CUBN: variants seen among roughly 807,000 people sequenced by gnomAD.
The protein encoded by CUBN is 460 kDa receptor.
Under a neutral mutation model 405.3 loss-of-function variants are expected in CUBN, and 282 were observed. That is an observed-to-expected ratio of 0.70 (90% CI 0.63 to 0.77). The LOEUF is 0.77. CUBN is among the 30% of genes least tolerant of loss of function. The pLI is 0.00. For missense variants in CUBN, 4,514 were observed against 4,475.2 expected (o/e 1.01, Z -0.25); for synonymous variants, 1,684 against 1,617.0 (o/e 1.04, Z -0.99).
chr10:17,063,497 TTCTC>T (rs1835546313), intron 22 of CUBN, among the ~76,000 whole-genome samples: 1 of 152,232 alleles, frequency 6.6e-6, no homozygotes, highest in African/African-American at 2.4e-5. Context: ...TTGCTTTTTC[TTCTC>T]TCTTTCTTTA....
At chr10:16,961,703 C>CTTT (rs1843221854) in intron 31 of CUBN, among the ~76,000 whole-genome samples, 1 of 128,158 alleles carries the variant, frequency 7.8e-6, no homozygotes, top group East Asian at 2.2e-4. Flanking sequence ...AAAAGCAATC[C>CTTT]CTTTTTTTTT....
At chr10:16,839,237 C>A (rs573373361) in intron 62 of CUBN, among the ~76,000 whole-genome samples, 24 of 152,206 alleles carry the variant, frequency 1.6e-4, no homozygotes, top group African/African-American at 5.8e-4. Flanking sequence ...TTAATGCATT[C>A]TTAGGCACAT....
intron 58 of CUBN, among the ~76,000 whole-genome samples, chr10:16,872,681 C>T (rs1840395544): frequency 2.6e-5 from 4 of 152,156 alleles, no homozygotes; most frequent in African/African-American, 9.7e-5. Context: ...ATAAGCCACC[C>T]AGTTTATGAT....
In CUBN at chr10:16,951,265, G is replaced by A. The variant is rs568538340; in HGVS notation, c.4969+1011C>T. 1.0e-3 allele frequency among the ~76,000 whole-genome samples: 154 copies of A among 152,298 alleles called. 4 individuals are homozygous for A. In the South Asian group the frequency reaches 0.032, roughly 31 times the overall value. On this transcript the variant is annotated intron_variant, in intron 33 of 66. Coordinates refer to ENST00000377833, the MANE Select transcript of CUBN (RefSeq NM_001081.4). ...CCACCTCCCCGTTTGAATTGGCTAA[G>A]GATGACATCATCGGCTGCCACATCT...
In CUBN at chr10:17,045,133, C is replaced by T. The variant is rs369417721; in HGVS notation, c.3546G>A (p.Pro1182=). The T allele has an allele frequency of 3.0e-5, 48 of 1,613,790 alleles. 1 individual carries two copies. Among genetic ancestry groups the T allele is most frequent in the African/African-American group, 8.0e-5 (6 of 74,816 alleles). ...ATTCAGAGCTGTGGTAATAGGGCAT[C>T]GGGTAGTTGGGAGATATGAACGTGC... ...SSGTFISPNY[P]MPYYHSSECY... Residue 1182 remains proline (P), a synonymous_variant, in exon 25 of 67, where the codon CCG becomes CCA. Transcript: ENST00000377833.
At chr10:17,029,465 C>A (rs1217420266) in intron 27 of CUBN, among the ~76,000 whole-genome samples, 2 of 152,238 alleles carry the variant, frequency 1.3e-5, no homozygotes, top group African/African-American at 4.8e-5. Context: ...GCTTCGCTAA[C>A]TAATGGATAT....
In CUBN at chr10:16,899,073, T is replaced by C. The variant is rs750965233; in HGVS notation, c.8521A>G (p.Lys2841Glu). The C allele has an allele frequency of 6.2e-7, 1 of 1,613,720 alleles. No individual in the cohort carries two copies. Among genetic ancestry groups the C allele is most frequent in the Admixed American group, 1.7e-5 (1 of 60,014 alleles). Residue 2841 changes from lysine to glutamate, a missense_variant, in exon 54 of 67, where the codon AAA (lysine) becomes GAA (glutamate). Physicochemically the swap from Lys to Glu is moderately conservative, Grantham distance 56. Around this residue, in one of 5 missense-constraint regions of CUBN, gnomAD observed 1,186 missense variants for 1,186.9 expected, o/e 1.00. Transcript: ENST00000377833. Reference protein sequence around the residue: ...CSWTAITHKSKHLEISFDNNF... With the variant: ...CSWTAITHKSEHLEISFDNNF... Reference sequence around the variant, plus strand: ...TTGTCAAAGCTGATCTCCAAGTGTTTACTTTTGTGAGTAATGGCCGTCCAG... The same window carrying C: ...TTGTCAAAGCTGATCTCCAAGTGTTCACTTTTGTGAGTAATGGCCGTCCAG...
rs1835167731 is a variant in CUBN, at chr10:17,047,591, T to G, written c.3152A>C (p.Asp1051Ala). 1 of 1,613,948 alleles carries G rather than the reference T, an allele frequency of 6.2e-7. No homozygotes were observed. Among genetic ancestry groups the G allele is most frequent in the Non-Finnish European group, 8.5e-7 (1 of 1,179,870 alleles). ...GAATGTCCCCAAATCATCTGTGTAGTCTTGCAAACATGCTGTGAACAGAAA... is the reference window on the plus strand; with the variant it reads ...GAATGTCCCCAAATCATCTGTGTAGGCTTGCAAACATGCTGTGAACAGAAA... ...AISAATACLQDYTDDLGTFTS... is the reference protein window; with the variant it reads ...AISAATACLQAYTDDLGTFTS... Residue 1051 changes from aspartate to alanine, a missense_variant, in exon 23 of 67, where the codon GAC (aspartate) becomes GCC (alanine). This residue lies in a region of CUBN where 1,448 missense variants were observed against 1,388.0 expected (regional missense o/e 1.04). Coordinates refer to ENST00000377833, the MANE Select transcript of CUBN (RefSeq NM_001081.4).
chr10:17,046,281 A>C (rs555176566), intron 23 of CUBN, among the ~76,000 whole-genome samples, 187 bp from the exon 24 acceptor site: 1 of 152,210 alleles, frequency 6.6e-6, no homozygotes, highest in Admixed American at 6.5e-5. Flanking sequence ...TCATATTTGA[A>C]TGACTTAACA....
intron 17 of CUBN, among the ~76,000 whole-genome samples, chr10:17,076,800 A>C (rs1031858281): frequency 8.5e-5 from 13 of 152,308 alleles, no homozygotes; most frequent in African/African-American, 3.1e-4. Flanking sequence ...CCTGGGTCTC[A>C]GGACGGTGAA....
intron 27 of CUBN, among the ~76,000 whole-genome samples, chr10:17,036,404 G>A (rs1363015903): frequency 1.3e-5 from 2 of 152,196 alleles, no homozygotes; most frequent in Non-Finnish European, 2.9e-5. Context: ...CTTAGGAAGT[G>A]GGAGTGGAGA....
intron 44 of CUBN, among the ~76,000 whole-genome samples, chr10:16,919,216 C>A (rs1483019209): frequency 2.6e-5 from 4 of 152,204 alleles, no homozygotes; most frequent in African/African-American, 9.7e-5. Context: ...AGCGTCCCAA[C>A]TGGAATTTTC....
At chr10:16,854,239 T>G (rs957567024) in intron 59 of CUBN, among the ~76,000 whole-genome samples, 3 of 152,180 alleles carry the variant, frequency 2.0e-5, no homozygotes, top group Non-Finnish European at 4.4e-5. Context: ...AGAATTTACA[T>G]TATATGCATG....
intron 59 of CUBN, among the ~76,000 whole-genome samples, chr10:16,859,836 T>C (rs1209432489): frequency 6.6e-6 from 1 of 152,036 alleles, no homozygotes; most frequent in Non-Finnish European, 1.5e-5. Flanking sequence ...TATAAAACAA[T>C]AAAAATGTTT....
At chr10:17,026,931 C>T (rs1011421147) in intron 27 of CUBN, among the ~76,000 whole-genome samples, 2 of 152,160 alleles carry the variant, frequency 1.3e-5, no homozygotes, top group South Asian at 2.1e-4. Context: ...TATGAAATAT[C>T]ATCTAAAAGT....
chr10:17,031,610 C>G (rs985734595), intron 27 of CUBN, among the ~76,000 whole-genome samples: 1 of 152,170 alleles, frequency 6.6e-6, no homozygotes. Flanking sequence ...CTCTTGCGAA[C>G]GAGTGCTAGA....
At chr10:16,832,887 T>C (rs1022487037) in intron 64 of CUBN, among the ~76,000 whole-genome samples, 1 of 152,204 alleles carries the variant, frequency 6.6e-6, no homozygotes, top group African/African-American at 2.4e-5. Context: ...GGCTTCCTGG[T>C]ACAGCTGCCA....
chr10:16,911,797 A>G (rs910871466), intron 48 of CUBN, among the ~76,000 whole-genome samples: 2 of 152,218 alleles, frequency 1.3e-5, no homozygotes, highest in African/African-American at 4.8e-5. Context: ...AATTAAAAAT[A>G]TCTTTATATT....
chr10:17,068,302 T>G (rs919947600), intron 20 of CUBN, 22 bp from the exon 21 acceptor site: 3 of 1,608,844 alleles, frequency 1.9e-6, no homozygotes, highest in Non-Finnish European at 2.6e-6. Flanking sequence ...AAAATTATAA[T>G]TACTGCAGCA....
Sources: gnomAD v4.1 joint callset for allele counts (sites outside exome capture counted in the v4.1 genomes callset) on GRCh38, gnomAD v4.1.1 for gene constraint, gnomAD v4.1.1 regional missense constraint, MANE v1.5 for transcripts, NCBI Gene and HGNC (gene_info 2026-07-23, HGNC 2026-07-21) for gene names.